NUP93: variants seen among roughly 807,000 people sequenced by gnomAD.
The protein encoded by NUP93 is nucleoporin 93.
Under a neutral mutation model 107.8 loss-of-function variants are expected in NUP93, and 55 were observed. The observed-to-expected ratio is 0.51, with a 90% CI of 0.41 to 0.64. The LOEUF (loss-of-function observed/expected upper bound fraction) is 0.64, where lower values mean the gene tolerates loss of function less well. NUP93 is among the 30% of genes least tolerant of loss of function. NUP93 has a pLI of 0.00. For missense variants in NUP93, 937 were observed against 1,044.7 expected, an observed-to-expected ratio of 0.90 and a Z score of 1.42; for synonymous variants, 390 against 397.5, an observed-to-expected ratio of 0.98 and a Z score of 0.22.
rs566307863 is a variant in NUP93, at chr16:56,843,063, C to T, written c.2349+1230C>T. On this transcript the variant is annotated intron_variant, in intron 21 of 21. Coordinates refer to ENST00000308159, the MANE Select transcript of NUP93 (RefSeq NM_014669.5). ...AAAACTTGTGCTTAGTGAAAGATGG[C>T]GGAAATTTCCACCTTTAGGAATGTG... 2.8e-4 allele frequency among the ~76,000 whole-genome samples: 43 copies of T among 152,256 alleles called. No homozygotes were observed. The South Asian group carries it at 5.4e-3, about 19-fold the overall frequency.
At chr16:56,810,635 AC>A (rs1567400181) in intron 5 of NUP93, among the ~76,000 whole-genome samples, 22 of 152,226 alleles carry the variant, frequency 1.4e-4, no homozygotes, top group African/African-American at 5.3e-4. Flanking sequence ...ACACAGTGAG[AC>A]TCTGTCTCAA....
At chr16:56,824,353 T>C (rs1316370201) in intron 8 of NUP93, among the ~76,000 whole-genome samples, 2 of 152,160 alleles carry the variant, frequency 1.3e-5, no homozygotes, top group Non-Finnish European at 2.9e-5. Flanking sequence ...CTGGGTTTCT[T>C]TGCCACCTCC....
At chr16:56,798,371 G>A (rs1025483875) in intron 3 of NUP93, 105 bp from the exon 4 acceptor site, 10 of 875,864 alleles carry the variant, frequency 1.1e-5, no homozygotes, top group Non-Finnish European at 1.8e-5. Flanking sequence ...TTTGTGAGGT[G>A]TAGGTAGCAT....
chr16:56,731,519 T>A (rs1961535117), intron 1 of NUP93, among the ~76,000 whole-genome samples: 1 of 151,908 alleles, frequency 6.6e-6, no homozygotes, highest in African/African-American at 2.4e-5. Context: ...GTGATTCTCC[T>A]ACTTCGGCCT....
At chr16:56,837,855 A>G (rs768409801) in intron 18 of NUP93, 129 bp downstream of exon 18, 26 of 647,042 alleles carry the variant, frequency 4.0e-5, no homozygotes, top group Non-Finnish European at 6.9e-5. Context: ...GGTTCTACTA[A>G]CTCACCATGC....
chr16:56,790,357 A>C (rs1962731926), intron 3 of NUP93, among the ~76,000 whole-genome samples: 1 of 152,184 alleles, frequency 6.6e-6, no homozygotes, highest in African/African-American at 2.4e-5. Flanking sequence ...CAAATTAAAA[A>C]ATTTCTCTGT....
chr16:56,731,542 G>A (rs1216102643), intron 1 of NUP93, among the ~76,000 whole-genome samples: 4 of 151,798 alleles, frequency 2.6e-5, no homozygotes, highest in Non-Finnish European at 5.9e-5. Flanking sequence ...CAAGTAGCTG[G>A]GATTACAGGC....
intron 3 of NUP93, among the ~76,000 whole-genome samples, chr16:56,786,792 C>A (rs1962637842): frequency 6.6e-6 from 1 of 152,202 alleles, no homozygotes; most frequent in African/African-American, 2.4e-5. Context: ...GGGTCACGAC[C>A]TTTTTAACTC....
At chr16:56,741,923 T>C (rs1961746721) in intron 1 of NUP93, 2 of 152,262 alleles carry the variant, frequency 1.3e-5, no homozygotes, top group African/African-American at 4.8e-5. Context: ...CCCATGCAAG[T>C]CAGTGAATGG....
rs201762451 is a variant in NUP93, at chr16:56,776,002, AT to A, written c.297+17357del. On this transcript the variant is annotated intron_variant, in intron 3 of 21. Coordinates refer to ENST00000308159, the MANE Select transcript of NUP93 (RefSeq NM_014669.5). Reference sequence around the variant, plus strand: ...CATTTTTACTCTGGTTATTTTATATATTTTTTTTTTCTTAAAGTTTATATCC... The same window carrying A: ...CATTTTTACTCTGGTTATTTTATATATTTTTTTTTCTTAAAGTTTATATCC... Among the ~76,000 whole-genome samples, 765 of 144,678 alleles carry A rather than the reference AT, an allele frequency of 5.3e-3. 6 individuals are homozygous for A. The highest frequency in any genetic ancestry group is 0.016 in the African/African-American group (634 of 39,234). 94.9% of individuals were successfully genotyped at this position (144,678 alleles called of 152,430 possible).
chr16:56,821,203 T>G (rs1363584282), intron 6 of NUP93, among the ~76,000 whole-genome samples: 9 of 152,146 alleles, frequency 5.9e-5, no homozygotes, highest in Admixed American at 2.6e-4. Context: ...GCCCTTCCAT[T>G]CTCCTGTCTT....
intron 5 of NUP93, among the ~76,000 whole-genome samples, chr16:56,813,370 A>G (rs1194706884): frequency 6.6e-6 from 1 of 152,224 alleles, no homozygotes; most frequent in Non-Finnish European, 1.5e-5. Context: ...AATGAAATAT[A>G]GTAGAATATG....
At chr16:56,744,528 CTGAT>C (rs1366730597) in intron 1 of NUP93, among the ~76,000 whole-genome samples, 1 of 152,182 alleles carries the variant, frequency 6.6e-6, no homozygotes, top group Admixed American at 6.5e-5. Context: ...TTAATTTCTA[CTGAT>C]TGAGTAATAA....
intron 1 of NUP93, among the ~76,000 whole-genome samples, chr16:56,731,191 T>G (rs10852551): frequency 6.6e-6 from 1 of 151,840 alleles, no homozygotes; most frequent in Non-Finnish European, 1.5e-5. Flanking sequence ...CACCCCTGAC[T>G]TTTATCCAGC....
intron 1 of NUP93, among the ~76,000 whole-genome samples, chr16:56,742,397 G>T (rs751562688): frequency 1.6e-4 from 25 of 152,134 alleles, no homozygotes; most frequent in Admixed American, 9.8e-4. Flanking sequence ...TTGGATCCTT[G>T]GGGGAAAAAT....
intron 1 of NUP93, among the ~76,000 whole-genome samples, chr16:56,730,597 G>T (rs1445403433): frequency 6.6e-6 from 1 of 152,148 alleles, no homozygotes; most frequent in Admixed American, 6.5e-5. Flanking sequence ...ACCGTGCCCT[G>T]CCTGCTTGCC....
intron 1 of NUP93, among the ~76,000 whole-genome samples, chr16:56,745,424 G>A (rs1321087801): frequency 6.6e-6 from 1 of 152,176 alleles, no homozygotes; most frequent in Non-Finnish European, 1.5e-5. Flanking sequence ...TGATCTGACT[G>A]ACTGTAAAAG....
At chr16:56,829,136 A>G in intron 9 of NUP93, 27 bp downstream of exon 9, 5 of 1,604,374 alleles carry the variant, frequency 3.1e-6, no homozygotes, top group Non-Finnish European at 4.2e-6. Context: ...CTGTGTGATC[A>G]GTTACACCCC....
Position 56,776,633 on chromosome 16 carries a change from G to A in NUP93, c.297+17978G>A, listed in dbSNP as rs543565966. On this transcript the variant is annotated intron_variant, in intron 3 of 21. Coordinates refer to ENST00000308159, the MANE Select transcript of NUP93 (RefSeq NM_014669.5). The stretch of plus-strand genomic sequence containing the variant: ...GTTGTGAAAAGTACATTGGTAACAA[G>A]AATTAACAAGCTAGAAGCTGTTCTT... Among the ~76,000 whole-genome samples, 121 of 152,348 alleles carry A rather than the reference G, an allele frequency of 7.9e-4. 1 individual carries two copies. The highest frequency in any genetic ancestry group is 2.7e-3 in the South Asian group (13 of 4,830).
Sources: gnomAD v4.1 joint callset for allele counts (sites outside exome capture counted in the v4.1 genomes callset) on GRCh38, gnomAD v4.1.1 for gene constraint, MANE v1.5 for transcripts, NCBI Gene and HGNC (gene_info 2026-07-23, HGNC 2026-07-21) for gene names.